The following CARS1 variants were observed in gnomAD, a reference collection of about 807,000 sequenced individuals.
The protein encoded by CARS1 is cysteinyl-tRNA synthetase 1.
In CARS1, 48 loss-of-function variants were observed where a neutral mutation model predicts 106.2. That is an observed-to-expected ratio of 0.45 (90% CI 0.36 to 0.57). CARS1 has a LOEUF of 0.57. CARS1 is among the 20% of genes least tolerant of loss of function. CARS1 has a pLI of 0.00. For synonymous variants in CARS1, 409 were observed against 403.4 expected, an observed-to-expected ratio of 1.01 and a Z score of -0.17; for missense variants, 968 against 1,057.2, an observed-to-expected ratio of 0.92 and a Z score of 1.17.
At chr11:3,018,860 T>C in intron 12 of CARS1, 111 bp from the exon 13 acceptor site, 1 of 1,409,738 alleles carries the variant, frequency 7.1e-7, no homozygotes, top group South Asian at 1.4e-5. Context: ...GGAGCTGCGT[T>C]TTCCAGGTGG....
rs117137013 is a variant in CARS1, at chr11:3,022,317, G to A, written c.1154-1985C>T. On this transcript the variant is annotated intron_variant, in intron 10 of 22. Transcript: ENST00000380525. The surrounding 1 kb of genome is among the most constrained non-coding windows in gnomAD (Gnocchi z 4.9). Reference sequence around the variant, plus strand: ...GTCTGAAGACCTGCACCAAGGAACTGACTCGTCGCAGAAATGTGGTTTACC... The same window carrying A: ...GTCTGAAGACCTGCACCAAGGAACTAACTCGTCGCAGAAATGTGGTTTACC... Among the ~76,000 whole-genome samples the A allele has an allele frequency of 5.5e-3, 841 of 152,276 alleles. 3 individuals carry two copies. The highest frequency in any genetic ancestry group is 9.6e-3 in the Non-Finnish European group (652 of 68,030).
intron 1 of CARS1, among the ~76,000 whole-genome samples, chr11:3,055,443 C>T (rs1283753589): frequency 2.6e-5 from 4 of 152,190 alleles, no homozygotes; most frequent in Non-Finnish European, 4.4e-5. Flanking sequence ...GCCTGGCCTA[C>T]GATTGGATTT....
rs1452118393 is a variant in CARS1 at position 3,046,602 on chromosome 11, TCTAGC to T, written c.274+1146_274+1150del. 2.0e-5 allele frequency among the ~76,000 whole-genome samples: 3 copies of T among 152,064 alleles called. No individual in the cohort carries two copies. The highest frequency in any genetic ancestry group is 4.4e-5 in the Non-Finnish European group (3 of 68,016). On this transcript the variant is annotated intron_variant, in intron 2 of 22. Coordinates refer to ENST00000380525, the MANE Select transcript of CARS1 (RefSeq NM_001014437.3). This position sits in a 1 kb window ranked among gnomAD's most constrained non-coding sequence, Gnocchi z 5.8. ...ACCTCCAGCCTGGTTAAAACAGTGATCTAGCAGAGGCCTGACCCACGGCAGAGGCG... is the reference window on the plus strand; with the variant it reads ...ACCTCCAGCCTGGTTAAAACAGTGATAGAGGCCTGACCCACGGCAGAGGCG...
At chr11:3,011,114 G>A (rs1850407239) in intron 18 of CARS1, among the ~76,000 whole-genome samples, 1 of 152,244 alleles carries the variant, frequency 6.6e-6, no homozygotes, top group African/African-American at 2.4e-5. Flanking sequence ...GCAGGGCCCA[G>A]CACATCCTAA....
In CARS1 at chr11:3,039,073, G is replaced by C. The variant is rs1406273921; in HGVS notation, c.651+121C>G. On this transcript the variant is annotated intron_variant, in intron 6 of 22. Coordinates refer to ENST00000380525, the MANE Select transcript of CARS1 (RefSeq NM_001014437.3). This position sits in a 1 kb window ranked among gnomAD's most constrained non-coding sequence, Gnocchi z 5.6. ...TCAGCGCCCCTGACGGAACTGGCTT[G>C]AGTAACATACACTTTGTGAAAGCCT... 1.1e-5 allele frequency: 7 copies of C among 651,442 alleles called. No homozygotes were observed. The highest frequency in any genetic ancestry group is 1.9e-5 in the Non-Finnish European group (7 of 375,126). The allele number at this position is 651,442 out of a possible 1,614,324, so 40.4% of individuals were successfully genotyped here.
intron 18 of CARS1, among the ~76,000 whole-genome samples, chr11:3,011,919 C>T (rs2134116225): frequency 6.6e-6 from 1 of 152,358 alleles, no homozygotes; most frequent in Admixed American, 6.5e-5. Flanking sequence ...CCTGGCCCAT[C>T]ATATCACATC....
intron 10 of CARS1, among the ~76,000 whole-genome samples, chr11:3,025,171 T>C (rs16929046): frequency 0.099 from 15,000 of 152,200 alleles, 839 homozygotes; most frequent in African/African-American, 0.14. Flanking sequence ...GGGTCTGATA[T>C]TTATGTGTCA....
intron 19 of CARS1, among the ~76,000 whole-genome samples, chr11:3,005,655 C>CA (rs1248887326): frequency 7.5e-6 from 1 of 133,306 alleles, no homozygotes; most frequent in Non-Finnish European, 1.5e-5. Flanking sequence ...TTTTTTGAGA[C>CA]AGAGTCTTGC....
chr11:3,020,634 T>A lies in CARS1; in HGVS notation c.1154-302A>T, dbSNP rs1258483064. On this transcript the variant is annotated intron_variant, in intron 10 of 22. Coordinates refer to ENST00000380525, the MANE Select transcript of CARS1 (RefSeq NM_001014437.3). The surrounding 1 kb of genome is among the most constrained non-coding windows in gnomAD (Gnocchi z 4.6). ...CCTTCCTGCTGCCTTCTCACAGCAT[T>A]AGCCCACCAGTGTCTAGGACAAGTG... 6.6e-6 allele frequency among the ~76,000 whole-genome samples: 1 copy of A among 152,212 alleles called. No homozygotes were observed. Among genetic ancestry groups the A allele is most frequent in the Non-Finnish European group, 1.5e-5 (1 of 68,048 alleles).
chr11:3,020,172 C>G lies in CARS1; in HGVS notation c.1266+48G>C, dbSNP rs751036784. On this transcript the variant is annotated intron_variant, in intron 11 of 22. Transcript: ENST00000380525. This position sits in a 1 kb window ranked among gnomAD's most constrained non-coding sequence, Gnocchi z 4.6. ...GCTGGGGGCCTGAGAGTGTGGCTGG[C>G]GCCAGTGCCCCTGTCCAAGCCCCAC... is the stretch of plus-strand genomic sequence containing the variant. 211 of 1,113,138 alleles carry G rather than the reference C, an allele frequency of 1.9e-4. No individual in the cohort carries two copies. The African/African-American group carries it at 2.5e-3, about 13-fold the overall frequency. 69.0% of individuals were successfully genotyped at this position (1,113,138 alleles called of 1,614,324 possible). A position where few individuals can be genotyped will look rare whatever the true frequency, so the allele number is the denominator to read the frequency against.
rs748235531 is a variant in CARS1, at chr11:3,029,454, A to C, written c.802-11T>G. 1.1e-5 allele frequency: 17 copies of C among 1,612,946 alleles called. No individual in the cohort carries two copies. Among genetic ancestry groups the C allele is most frequent in the Middle Eastern group, 3.3e-4 (2 of 6,060 alleles). ...TTCTTCCAGCAACACCTGAAGAGAA[A>C]GAAACAAAAATCCAGCAGCGGGCCA... On this transcript the variant is annotated splice_polypyrimidine_tract_variant and intron_variant, in intron 7 of 22. Transcript: ENST00000380525. This position sits in a 1 kb window ranked among gnomAD's most constrained non-coding sequence, Gnocchi z 5.9.
At position 3,046,640 on chromosome 11, in the gene CARS1, A is replaced by G. The variant is rs1346118117; in HGVS notation, c.274+1113T>C. 1.3e-5 allele frequency among the ~76,000 whole-genome samples: 2 copies of G among 152,118 alleles called. No individual in the cohort carries two copies. The highest frequency in any genetic ancestry group is 2.4e-5 in the African/African-American group (1 of 41,432). On this transcript the variant is annotated intron_variant, in intron 2 of 22. Coordinates refer to ENST00000380525, the MANE Select transcript of CARS1 (RefSeq NM_001014437.3). The surrounding 1 kb of genome is among the most constrained non-coding windows in gnomAD (Gnocchi z 5.8). ...TGACCCACGGCAGAGGCGGGGGGGC[A>G]TGTTCCCAATCCCAGGCCCCAACGG...
Position 3,020,951 on chromosome 11 carries a change from G to C in CARS1, c.1154-619C>G, listed in dbSNP as rs1356710250. Among the ~76,000 whole-genome samples, 3 of 152,192 alleles carry C rather than the reference G, an allele frequency of 2.0e-5. No individual in the cohort carries two copies. The highest frequency in any genetic ancestry group is 7.2e-5 in the African/African-American group (3 of 41,436). On this transcript the variant is annotated intron_variant, in intron 10 of 22. Transcript: ENST00000380525. The surrounding 1 kb of genome is among the most constrained non-coding windows in gnomAD (Gnocchi z 4.6). ...GTCCAGGAAGGCCATAAGAAAAGGG[G>C]AGTACTGCTCTTGGCACAAGTTCTA...
In CARS1 at chr11:3,006,918, T is replaced by C; in HGVS notation, c.2110A>G (p.Ile704Val). ...LQLSDALRDN[I>V]LPELGVRFED... ...AACCGCACCCCAAGCTCGGGCAGGA[T>C]GTTGTCCCGCAGGGCATCGCTGAGC... is the stretch of plus-strand genomic sequence containing the variant. Residue 704 changes from isoleucine (I) to valine (V), a missense_variant, in exon 19 of 23, where the codon ATC becomes GTC. Coordinates refer to ENST00000380525, the MANE Select transcript of CARS1 (RefSeq NM_001014437.3). 1 of 1,614,112 alleles carries C rather than the reference T, an allele frequency of 6.2e-7. No individual in the cohort carries two copies. The highest frequency in any genetic ancestry group is 8.5e-7 in the Non-Finnish European group (1 of 1,180,004).
chr11:3,028,805 C>T lies in CARS1; in HGVS notation c.1031+191G>A, dbSNP rs1852387478. 3 of 587,246 alleles carry T rather than the reference C, an allele frequency of 5.1e-6. No homozygotes were observed. In the African/African-American group the frequency reaches 5.6e-5, roughly 11 times the overall value. The allele number at this position is 587,246 out of a possible 1,614,324, so 36.4% of individuals were successfully genotyped here. A position where few individuals can be genotyped will look rare whatever the true frequency, so the allele number is the denominator to read the frequency against. On this transcript the variant is annotated intron_variant, in intron 9 of 22. Coordinates refer to ENST00000380525, the MANE Select transcript of CARS1 (RefSeq NM_001014437.3). This position sits in a 1 kb window ranked among gnomAD's most constrained non-coding sequence, Gnocchi z 4.4. ...TAGGTTCTCACCATGGCCCCCAGGA[C>T]AGTGCAGACCCATGCTCCTCAGCCC...
At position 3,053,213 on chromosome 11, in the gene CARS1, A is replaced by ATT. The variant is rs1855869377; in HGVS notation, c.25+4128_25+4129dup. Among the ~76,000 whole-genome samples the ATT allele has an allele frequency of 1.3e-5, 2 of 152,060 alleles. No individual in the cohort carries two copies. Among genetic ancestry groups the ATT allele is most frequent in the East Asian group, 3.9e-4 (2 of 5,152 alleles). On this transcript the variant is annotated intron_variant, in intron 1 of 22. Transcript: ENST00000380525. The surrounding 1 kb of genome is among the most constrained non-coding windows in gnomAD (Gnocchi z 6.6). ...TCTTTCCTATCAGCATTTATTTTTT[A>ATT]TTTATTTTTATTTTATTTTATTTTA... is the stretch of plus-strand genomic sequence containing the variant.
intron 18 of CARS1, among the ~76,000 whole-genome samples, chr11:3,011,451 A>G (rs1470077545): frequency 6.6e-6 from 1 of 151,960 alleles, no homozygotes; most frequent in African/African-American, 2.4e-5. Context: ...TAAAAAAAAA[A>G]AAAATACAAA....
intron 10 of CARS1, among the ~76,000 whole-genome samples, chr11:3,024,405 G>A (rs1404611181): frequency 3.3e-5 from 5 of 151,970 alleles, no homozygotes; most frequent in African/African-American, 7.3e-5. Context: ...CATTTTAGAC[G>A]TCCGTCCTGT....
At chr11:3,001,838 G>A (rs774744580) in intron 22 of CARS1, 132 bp downstream of exon 22, 47 of 775,798 alleles carry the variant, frequency 6.1e-5, no homozygotes, top group Non-Finnish European at 9.4e-5. Flanking sequence ...GACCTAAAGC[G>A]GGTGTCAGAT....
Sources: allele counts gnomAD v4.1 joint callset (sites outside exome capture counted in the v4.1 genomes callset), GRCh38; gene constraint gnomAD v4.1.1; non-coding constraint Gnocchi (gnomAD v3.1); transcripts MANE v1.5; gene names NCBI Gene and HGNC (gene_info 2026-07-23, HGNC 2026-07-21).